PACRG: variants seen among roughly 807,000 people sequenced by gnomAD.
The protein encoded by PACRG is parkin coregulated gene protein.
In PACRG, 29 loss-of-function variants were observed where a neutral mutation model predicts 29.7. The ratio of observed to expected loss-of-function variants is 0.98; its 90% CI spans 0.73 to 1.33. The LOEUF is 1.33. Ranked by LOEUF, PACRG falls within the 40% of genes most tolerant of loss-of-function variation. The pLI is 0.00. For synonymous variants in PACRG, 116 were observed against 118.7 expected (o/e 0.98, Z 0.15); for missense variants, 279 against 316.2 (o/e 0.88, Z 0.89).
chr6:163,179,327 C>G (rs924565967), intron 4 of PACRG: 27 of 445,494 alleles, frequency 6.1e-5, no homozygotes, highest in Non-Finnish European at 1.1e-4. Flanking sequence ...AGCCACTGCT[C>G]CCAAGACGAG....
intron 4 of PACRG, among the ~76,000 whole-genome samples, chr6:163,132,483 C>T (rs1816778617): frequency 6.6e-6 from 1 of 152,204 alleles, no homozygotes; most frequent in African/African-American, 2.4e-5. Context: ...GAATGTGATT[C>T]TTTCTATATC....
At chr6:163,093,269 C>A (rs771659169) in intron 4 of PACRG, among the ~76,000 whole-genome samples, 5 of 152,226 alleles carry the variant, frequency 3.3e-5, no homozygotes, top group Non-Finnish European at 7.3e-5. Context: ...TATTTGCCTG[C>A]ATTCTAAACA....
chr6:162,913,157 A>G (rs1796430885), intron 2 of PACRG, among the ~76,000 whole-genome samples: 1 of 152,206 alleles, frequency 6.6e-6, no homozygotes, highest in Non-Finnish European at 1.5e-5. Flanking sequence ...CACTAATTCA[A>G]GGTGTACAAT....
At chr6:162,969,361 C>T (rs1416581287) in intron 2 of PACRG, among the ~76,000 whole-genome samples, 1 of 151,994 alleles carries the variant, frequency 6.6e-6, no homozygotes, top group East Asian at 1.9e-4. Context: ...TTCCTGCCCT[C>T]TCTCTCTCCT....
rs1780654603 is a variant in PACRG at position 163,200,546 on chromosome 6, T to C, written c.613+111138T>C. 3.3e-5 allele frequency among the ~76,000 whole-genome samples: 5 copies of C among 152,042 alleles called. No individual in the cohort carries two copies. The South Asian group carries it at 1.0e-3, about 32-fold the overall frequency. On this transcript the variant is annotated intron_variant, in intron 4 of 4. Transcript: ENST00000366888. ...ATACTTTCCAAACAACGCACAGCCA[T>C]GAGTGGGAGAGGGGAGAGGATTGAA...
chr6:162,866,553 G>A (rs1792312312), intron 2 of PACRG, among the ~76,000 whole-genome samples: 1 of 151,728 alleles, frequency 6.6e-6, no homozygotes, highest in Non-Finnish European at 1.5e-5. Flanking sequence ...TTCAGATTTC[G>A]CCACTTCAGA....
At chr6:163,157,310 T>C (rs1481666691) in intron 4 of PACRG, among the ~76,000 whole-genome samples, 2 of 152,174 alleles carry the variant, frequency 1.3e-5, no homozygotes, top group Non-Finnish European at 2.9e-5. Context: ...TGGCCTTACC[T>C]TCCCTCAGCT....
chr6:163,210,681 T>C (rs1781099956), intron 4 of PACRG, among the ~76,000 whole-genome samples: 2 of 152,246 alleles, frequency 1.3e-5, no homozygotes, highest in African/African-American at 2.4e-5. Context: ...CTCTTCCCCT[T>C]ACTTTTGCTG....
At chr6:162,911,092 C>T (rs138144698) in intron 2 of PACRG, among the ~76,000 whole-genome samples, 1,740 of 152,274 alleles carry the variant, frequency 0.011, 33 homozygotes, top group African/African-American at 0.039. Flanking sequence ...AGTCATGATG[C>T]GCATCTGCAT....
intron 2 of PACRG, among the ~76,000 whole-genome samples, chr6:163,026,007 C>A (rs1004872099): frequency 1.8e-4 from 27 of 152,020 alleles, no homozygotes; most frequent in Non-Finnish European, 2.8e-4. Context: ...TTATAGGGAA[C>A]CAAAAAAAGA....
rs139061911 is a variant in PACRG at position 163,304,580 on chromosome 6, T to C, written c.614-10247T>C. ...ATAAGCAGGGAGGGGACTACAGGCC[T>C]AGTGCTCCAGGAATTCAAAAGAAAG... On this transcript the variant is annotated intron_variant, in intron 4 of 4. Transcript: ENST00000366888. 1.1e-4 allele frequency among the ~76,000 whole-genome samples: 17 copies of C among 152,296 alleles called. No individual in the cohort carries two copies. In the East Asian group the frequency reaches 3.3e-3, roughly 29 times the overall value.
intron 4 of PACRG, among the ~76,000 whole-genome samples, chr6:163,154,245 C>T (rs1778222892): frequency 6.6e-6 from 1 of 152,180 alleles, no homozygotes; most frequent in East Asian, 1.9e-4. Flanking sequence ...TGATAGGTGC[C>T]TAGGATGTGG....
At chr6:163,174,816 C>A (rs1203823020) in intron 4 of PACRG, among the ~76,000 whole-genome samples, 1 of 152,108 alleles carries the variant, frequency 6.6e-6, no homozygotes, top group Non-Finnish European at 1.5e-5. Context: ...GCCACTGCTA[C>A]CACCTGAGAC....
At chr6:163,024,614 A>G (rs892996522) in intron 2 of PACRG, among the ~76,000 whole-genome samples, 1 of 152,208 alleles carries the variant, frequency 6.6e-6, no homozygotes, top group Admixed American at 6.5e-5. Context: ...GTGAAGAATG[A>G]CATTAAAGTT....
At position 163,034,492 on chromosome 6, in the gene PACRG, A is replaced by G. The variant is rs375423560; in HGVS notation, c.292-27658A>G. 1.9e-4 allele frequency among the ~76,000 whole-genome samples: 29 copies of G among 151,968 alleles called. No individual in the cohort carries two copies. In the East Asian group the frequency reaches 2.5e-3, roughly 13 times the overall value. ...TTGGGCTTCTAACCCAAGGTTGGTC[A>G]AGCATCCGTGCCTTTTATGAAGAGG... On this transcript the variant is annotated intron_variant, in intron 2 of 4. Coordinates refer to ENST00000366888, the MANE Select transcript of PACRG (RefSeq NM_001080379.2).
chr6:162,732,942 G>A (rs1779887399), intron 1 of PACRG, among the ~76,000 whole-genome samples: 2 of 152,124 alleles, frequency 1.3e-5, no homozygotes. Context: ...GTTCTCATTT[G>A]CTTCAGTCAA....
chr6:162,956,536 G>A (rs1800051354), intron 2 of PACRG, among the ~76,000 whole-genome samples: 1 of 152,196 alleles, frequency 6.6e-6, no homozygotes, highest in African/African-American at 2.4e-5. Flanking sequence ...AAGCTCTGGA[G>A]GCCAGAAGTC....
chr6:162,830,503 C>T (rs1383348317), intron 2 of PACRG, among the ~76,000 whole-genome samples: 1 of 152,236 alleles, frequency 6.6e-6, no homozygotes, highest in East Asian at 1.9e-4. Flanking sequence ...AACAGCCATC[C>T]TTGGCACCCA....
At chr6:162,838,382 T>C (rs1017508342) in intron 2 of PACRG, among the ~76,000 whole-genome samples, 7 of 152,106 alleles carry the variant, frequency 4.6e-5, no homozygotes, top group African/African-American at 1.7e-4. Flanking sequence ...GGCTAATCAT[T>C]ATGAGGGACG....
Sources: gnomAD v4.1 joint callset for allele counts (sites outside exome capture counted in the v4.1 genomes callset) on GRCh38, gnomAD v4.1.1 for gene constraint, MANE v1.5 for transcripts, NCBI Gene and HGNC (gene_info 2026-07-23, HGNC 2026-07-21) for gene names.